The following GDPD5 variants were observed in gnomAD, a reference collection of about 807,000 sequenced individuals.
The protein encoded by GDPD5 is glycerophosphodiester phosphodiesterase domain containing 5.
GDPD5 carries 48 observed loss-of-function variants against 75.1 expected under a neutral mutation model. The ratio of observed to expected loss-of-function variants is 0.64; its 90% CI spans 0.51 to 0.81. GDPD5 has a LOEUF of 0.81. Among genes scored for constraint, GDPD5 ranks in the 40% least tolerant of loss-of-function variants. The pLI, the probability that GDPD5 is intolerant of heterozygous loss-of-function variation, is 0.00. For missense variants in GDPD5, 706 were observed against 822.6 expected, an observed-to-expected ratio of 0.86 and a Z score of 1.73; for synonymous variants, 336 against 339.0, an observed-to-expected ratio of 0.99 and a Z score of 0.10.
intron 2 of GDPD5, among the ~76,000 whole-genome samples, chr11:75,480,597 C>T (rs1213037300): frequency 6.6e-6 from 1 of 152,148 alleles, no homozygotes; most frequent in Admixed American, 6.5e-5. Context: ...AAAGTATCAT[C>T]ATCATCATCC....
chr11:75,451,855 G>T (rs1401065466), intron 6 of GDPD5: 1 of 152,260 alleles, frequency 6.6e-6, no homozygotes, highest in East Asian at 1.9e-4. Flanking sequence ...ATCACTGCAT[G>T]TTCAGTGTCT....
chr11:75,495,051 A>G (rs1356622783), intron 1 of GDPD5, among the ~76,000 whole-genome samples: 1 of 152,190 alleles, frequency 6.6e-6, no homozygotes, highest in East Asian at 1.9e-4. Context: ...GCAGATCACA[A>G]GGTCAGGAGC....
intron 3 of GDPD5, among the ~76,000 whole-genome samples, chr11:75,475,917 T>G (rs925824107): frequency 6.6e-6 from 1 of 152,126 alleles, no homozygotes; most frequent in African/African-American, 2.4e-5. Flanking sequence ...TCAGCCCACT[T>G]CCTCCACTCT....
At chr11:75,456,152 A>G (rs1318847077) in intron 6 of GDPD5, among the ~76,000 whole-genome samples, 1 of 152,202 alleles carries the variant, frequency 6.6e-6, no homozygotes, top group Non-Finnish European at 1.5e-5. Flanking sequence ...AAGGAGGCAG[A>G]CATGCTGGGA....
intron 1 of GDPD5, among the ~76,000 whole-genome samples, chr11:75,503,845 C>T (rs1287513273): frequency 1.3e-5 from 2 of 152,196 alleles, no homozygotes; most frequent in Non-Finnish European, 2.9e-5. Context: ...ATGCTCATCT[C>T]TTGAGCCTCC....
In GDPD5 at chr11:75,449,624, G is replaced by C. The variant is rs1465781930; in HGVS notation, c.475-14C>G. 1 of 1,564,694 alleles carries C rather than the reference G, an allele frequency of 6.4e-7. No individual in the cohort carries two copies. The highest frequency in any genetic ancestry group is 2.3e-5 in the East Asian group (1 of 42,654). On this transcript the variant is annotated splice_polypyrimidine_tract_variant and intron_variant, in intron 7 of 16. Coordinates refer to ENST00000336898, the MANE Select transcript of GDPD5 (RefSeq NM_030792.8). ...TGGCGCTGTGCCCTGTTTGCAGGGAGAGGGAAGGGAGACCAGTAACGCCCA... is the reference window on the plus strand; with the variant it reads ...TGGCGCTGTGCCCTGTTTGCAGGGACAGGGAAGGGAGACCAGTAACGCCCA...
intron 9 of GDPD5, among the ~76,000 whole-genome samples, chr11:75,447,478 C>T (rs907535707): frequency 6.6e-6 from 1 of 152,062 alleles, no homozygotes; most frequent in Non-Finnish European, 1.5e-5. Context: ...ATTTGCTTTA[C>T]TACCCCAGAA....
chr11:75,496,151 T>A (rs1265901191), intron 1 of GDPD5, among the ~76,000 whole-genome samples: 1 of 152,176 alleles, frequency 6.6e-6, no homozygotes, highest in East Asian at 1.9e-4. Flanking sequence ...ACTATCCCCC[T>A]GGAAAGGGAG....
intron 1 of GDPD5, among the ~76,000 whole-genome samples, chr11:75,492,966 A>G (rs1187657138): frequency 6.6e-6 from 1 of 152,026 alleles, no homozygotes. Flanking sequence ...CTGACCTCAG[A>G]TGATCCACCC....
intron 3 of GDPD5, among the ~76,000 whole-genome samples, chr11:75,468,487 T>C (rs1206562370): frequency 6.6e-6 from 1 of 152,218 alleles, no homozygotes; most frequent in Non-Finnish European, 1.5e-5. Context: ...AGTCTGGCAA[T>C]ACTGGGTTTG....
At chr11:75,493,064 T>A (rs1415918388) in intron 1 of GDPD5, among the ~76,000 whole-genome samples, 2 of 152,116 alleles carry the variant, frequency 1.3e-5, no homozygotes, top group Non-Finnish European at 2.9e-5. Flanking sequence ...CAAATGCACA[T>A]GAGTGAAACG....
chr11:75,474,550 C>T (rs1178485832), intron 3 of GDPD5, among the ~76,000 whole-genome samples: 2 of 152,160 alleles, frequency 1.3e-5, no homozygotes, highest in Non-Finnish European at 2.9e-5. Context: ...AGAGAAGAGG[C>T]CATTTCACCT....
intron 1 of GDPD5, among the ~76,000 whole-genome samples, chr11:75,512,665 C>T (rs1172366451): frequency 3.3e-5 from 5 of 152,180 alleles, no homozygotes; most frequent in Non-Finnish European, 7.3e-5. Context: ...CCTGTAATCC[C>T]AGCACTTTGG....
chr11:75,440,976 G>A (rs545182578), intron 14 of GDPD5, among the ~76,000 whole-genome samples, 187 bp downstream of exon 14: 1 of 152,302 alleles, frequency 6.6e-6, no homozygotes, highest in Non-Finnish European at 1.5e-5. Context: ...GGTCCTCCCA[G>A]CACCTTAGTG....
chr11:75,470,577 G>C (rs1949639291), intron 3 of GDPD5, among the ~76,000 whole-genome samples: 1 of 152,202 alleles, frequency 6.6e-6, no homozygotes, highest in Non-Finnish European at 1.5e-5. Flanking sequence ...CACGTGTGCG[G>C]AGAGAGGTTT....
chr11:75,448,231 C>A (rs968098316), intron 9 of GDPD5, among the ~76,000 whole-genome samples: 1 of 152,160 alleles, frequency 6.6e-6, no homozygotes, highest in Non-Finnish European at 1.5e-5. Flanking sequence ...GAGCAGGAGA[C>A]CCTGCTCCAG....
chr11:75,492,868 G>T (rs191034810), intron 1 of GDPD5, among the ~76,000 whole-genome samples: 1 of 152,082 alleles, frequency 6.6e-6, no homozygotes, highest in Non-Finnish European at 1.5e-5. Flanking sequence ...GAGTAGCTGC[G>T]ATTACAGACA....
chr11:75,467,115 T>C (rs1367934510), intron 3 of GDPD5, among the ~76,000 whole-genome samples: 4 of 152,124 alleles, frequency 2.6e-5, no homozygotes, highest in Non-Finnish European at 5.9e-5. Context: ...CTGCACAGAC[T>C]CTTGGCACCC....
At chr11:75,467,187 G>A (rs1949534291) in intron 3 of GDPD5, among the ~76,000 whole-genome samples, 1 of 152,204 alleles carries the variant, frequency 6.6e-6, no homozygotes, top group African/African-American at 2.4e-5. Context: ...GCTCTAAAGA[G>A]CTGGCTCTGC....
Sources: gnomAD v4.1 joint callset for allele counts (sites outside exome capture counted in the v4.1 genomes callset) on GRCh38, gnomAD v4.1.1 for gene constraint, MANE v1.5 for transcripts, NCBI Gene and HGNC (gene_info 2026-07-23, HGNC 2026-07-21) for gene names.